Variants in LIPA observed in about 807,000 individuals in gnomAD.
The protein encoded by LIPA is lysosomal acid lipase/cholesteryl ester hydrolase.
In LIPA, 26 loss-of-function variants were observed where a neutral mutation model predicts 40.6. The ratio of observed to expected loss-of-function variants is 0.64; its 90% CI spans 0.47 to 0.89. The LOEUF is 0.89. Among genes scored for constraint, LIPA ranks in the 40% least tolerant of loss-of-function variants. LIPA has a pLI of 0.00. For missense variants in LIPA, 455 were observed against 479.6 expected, an observed-to-expected ratio of 0.95 and a Z score of 0.48; for synonymous variants, 188 against 168.4, an observed-to-expected ratio of 1.12 and a Z score of -0.90.
intron 3 of LIPA, among the ~76,000 whole-genome samples, chr10:89,242,504 C>A (rs1355592419): frequency 6.6e-6 from 1 of 152,146 alleles, no homozygotes; most frequent in Non-Finnish European, 1.5e-5. Flanking sequence ...TTAGGTAAAG[C>A]CTTTAAGCAA....
At chr10:89,366,563 C>T (rs969526802) in intron 2 of LIPA, among the ~76,000 whole-genome samples, 1 of 152,096 alleles carries the variant, frequency 6.6e-6, no homozygotes, top group African/African-American at 2.4e-5. Context: ...AGCCAACAGA[C>T]ACATGAAAAA....
intron 1 of LIPA, among the ~76,000 whole-genome samples, chr10:89,313,390 T>C (rs539188694): frequency 5.3e-5 from 8 of 152,314 alleles, no homozygotes; most frequent in African/African-American, 1.9e-4. Flanking sequence ...CAGTAACTCA[T>C]CTCTTGAGAT....
At chr10:89,347,741 C>T (rs1230467248) in intron 2 of LIPA, among the ~76,000 whole-genome samples, 8 of 152,116 alleles carry the variant, frequency 5.3e-5, no homozygotes, top group Admixed American at 1.3e-4. Context: ...GAGCTTCCTC[C>T]GTACATGTCT....
At chr10:89,216,677 T>C (rs1564749520) in intron 8 of LIPA, among the ~76,000 whole-genome samples, 1 of 152,168 alleles carries the variant, frequency 6.6e-6, no homozygotes, top group Non-Finnish European at 1.5e-5. Flanking sequence ...TTAAAGCATA[T>C]GAAAGGATAT....
At chr10:89,246,335 T>C (rs964539142) in intron 2 of LIPA, among the ~76,000 whole-genome samples, 8 of 152,226 alleles carry the variant, frequency 5.3e-5, no homozygotes, top group Non-Finnish European at 1.2e-4. Flanking sequence ...GAAGGATTCA[T>C]GGGACAATTG....
At chr10:89,232,131 G>A (rs913893740) in intron 3 of LIPA, among the ~76,000 whole-genome samples, 3 of 152,194 alleles carry the variant, frequency 2.0e-5, no homozygotes, top group Admixed American at 6.5e-5. Flanking sequence ...TTAAATTATA[G>A]TTGAAAAATG....
At chr10:89,306,805 G>A (rs1362881274) in intron 1 of LIPA, 1 of 1,613,972 alleles carries the variant, frequency 6.2e-7, no homozygotes, top group East Asian at 2.2e-5. Context: ...ATGCCTACCT[G>A]CATTGCCAAA....
chr10:89,401,928 T>C (rs1844431267), intron 2 of LIPA, among the ~76,000 whole-genome samples: 1 of 152,224 alleles, frequency 6.6e-6, no homozygotes, highest in African/African-American at 2.4e-5. Context: ...ATTATCTTAA[T>C]ATTAAAATAA....
Position 89,214,751 on chromosome 10 carries a change from G to T in LIPA, c.*77C>A. ...AAAGACCTGGGAAAGAAAAACAAGT[G>T]TTTTACAGAAATGAAGCAAACACAT... On this transcript the variant is annotated 3_prime_UTR_variant, in exon 10 of 10. Transcript: ENST00000336233. 1.1e-6 allele frequency: 1 copy of T among 928,398 alleles called. No homozygotes were observed. The highest frequency in any genetic ancestry group is 1.7e-6 in the Non-Finnish European group (1 of 580,596). 57.5% of individuals were successfully genotyped at this position (928,398 alleles called of 1,614,324 possible).
At chr10:89,271,064 C>T (rs1403429908) in intron 1 of LIPA, among the ~76,000 whole-genome samples, 1 of 152,198 alleles carries the variant, frequency 6.6e-6, no homozygotes, top group Non-Finnish European at 1.5e-5. Flanking sequence ...TTATGTAGGT[C>T]CTGAAGGCAC....
At chr10:89,251,511 TCTCTCTGAAGTTG>T (rs1827488975) in intron 1 of LIPA, among the ~76,000 whole-genome samples, 2 of 152,160 alleles carry the variant, frequency 1.3e-5, no homozygotes, top group African/African-American at 2.4e-5. Context: ...AGAGTGGGCT[TCTCTCTGAAGTTG>T]CTCTCTGAAG....
At chr10:89,412,321 G>GT (rs1192983334) in intron 2 of LIPA, among the ~76,000 whole-genome samples, 3 of 152,006 alleles carry the variant, frequency 2.0e-5, no homozygotes, top group African/African-American at 7.2e-5. Context: ...GTAGCTAAAA[G>GT]TTTGTAAACG....
intron 2 of LIPA, among the ~76,000 whole-genome samples, chr10:89,407,480 G>A (rs1309829355): frequency 6.6e-6 from 1 of 152,068 alleles, no homozygotes; most frequent in Non-Finnish European, 1.5e-5. Context: ...ATCGTATGGG[G>A]GACTATCTGG....
intron 2 of LIPA, among the ~76,000 whole-genome samples, chr10:89,349,889 T>C (rs1209752028): frequency 6.6e-6 from 1 of 152,170 alleles, no homozygotes; most frequent in Non-Finnish European, 1.5e-5. Context: ...TCTGCCCTAC[T>C]TCTGTCTGCC....
At chr10:89,217,443 G>A (rs563574933) in intron 8 of LIPA, among the ~76,000 whole-genome samples, 1 of 152,346 alleles carries the variant, frequency 6.6e-6, no homozygotes, top group Admixed American at 6.5e-5. Context: ...ATCTTTGTCA[G>A]TGAAAATATA....
chr10:89,361,476 T>C (rs184627755), intron 2 of LIPA, among the ~76,000 whole-genome samples: 2 of 152,350 alleles, frequency 1.3e-5, no homozygotes, highest in East Asian at 3.9e-4. Context: ...GAGAAAGAGC[T>C]TCTCCTTGCC....
rs34774861 is a variant in LIPA, at chr10:89,401,119, CTT to C, written c.61+11670_61+11671del. ...TATATGAAAGTCTCCATTTAGATGACTTTTTTTTTTTTTTTGAGACTGAGTTT... is the reference window on the plus strand; with the variant it reads ...TATATGAAAGTCTCCATTTAGATGACTTTTTTTTTTTTTGAGACTGAGTTT... On this transcript the variant is annotated intron_variant, in intron 2 of 8. Coordinates refer to the LIPA transcript ENST00000371837. 1.4e-4 allele frequency among the ~76,000 whole-genome samples: 20 copies of C among 139,876 alleles called. No individual in the cohort carries two copies. The East Asian group carries it at 1.4e-3, about 10-fold the overall frequency. The allele number at this position is 139,876 out of a possible 152,430, so 91.8% of individuals were successfully genotyped here. A position where few individuals can be genotyped will look rare whatever the true frequency, so the allele number is the denominator to read the frequency against.
At chr10:89,280,050 A>G (rs1843307474) in intron 1 of LIPA, among the ~76,000 whole-genome samples, 1 of 152,242 alleles carries the variant, frequency 6.6e-6, no homozygotes, top group African/African-American at 2.4e-5. Context: ...AAATATGCCT[A>G]TTAAATGTTG....
At chr10:89,301,080 T>C (rs1843442848) in intron 1 of LIPA, among the ~76,000 whole-genome samples, 1 of 152,242 alleles carries the variant, frequency 6.6e-6, no homozygotes, top group Non-Finnish European at 1.5e-5. Flanking sequence ...TATTCTCTCA[T>C]TTCATCCTCC....
Sources: gnomAD v4.1 joint callset for allele counts (sites outside exome capture counted in the v4.1 genomes callset) on GRCh38, gnomAD v4.1.1 for gene constraint, MANE v1.5 for transcripts, NCBI Gene and HGNC (gene_info 2026-07-23, HGNC 2026-07-21) for gene names.